Variants in COBL observed in about 807,000 individuals in gnomAD.
The protein encoded by COBL is protein cordon-bleu.
In COBL, 51 loss-of-function variants were observed where a neutral mutation model predicts 98.8. That is an observed-to-expected ratio of 0.52 (90% CI 0.41 to 0.65). The LOEUF (loss-of-function observed/expected upper bound fraction) is 0.65, where lower values mean the gene tolerates loss of function less well. Among genes scored for constraint, COBL ranks in the 30% least tolerant of loss-of-function variants. The probability of loss-of-function intolerance (pLI) is 0.00; values close to 1 mark genes in which losing one functional copy is unlikely to be tolerated. For missense variants in COBL, 1,617 were observed against 1,617.5 expected (o/e 1.00, Z 0.01); for synonymous variants, 634 against 651.7 (o/e 0.97, Z 0.41).
At chr7:51,263,869 A>G (rs936562589) in intron 1 of COBL, among the ~76,000 whole-genome samples, 4 of 152,236 alleles carry the variant, frequency 2.6e-5, no homozygotes, top group African/African-American at 9.6e-5. Flanking sequence ...CATAAGGACT[A>G]TGATCCCCAT....
chr7:51,252,905 G>A (rs183221199), intron 1 of COBL, among the ~76,000 whole-genome samples: 1 of 152,276 alleles, frequency 6.6e-6, no homozygotes, highest in East Asian at 1.9e-4. Flanking sequence ...CCCAGGTCAA[G>A]GTTGCAAAAT....
intron 6 of COBL, among the ~76,000 whole-genome samples, chr7:51,103,023 CACA>C (rs1453627089): frequency 6.6e-6 from 1 of 152,168 alleles, no homozygotes; most frequent in African/African-American, 2.4e-5. Context: ...TTGTGCATTT[CACA>C]CTTTGTTCAG....
At chr7:51,305,536 A>G (rs1003306881) in intron 1 of COBL, among the ~76,000 whole-genome samples, 1 of 147,278 alleles carries the variant, frequency 6.8e-6, no homozygotes, top group Non-Finnish European at 1.5e-5. Context: ...AATCAGTTCT[A>G]ACAGAAGGAG....
intron 1 of COBL, among the ~76,000 whole-genome samples, 174 bp from the exon 2 acceptor site, chr7:51,220,118 G>C (rs1584220351): frequency 1.3e-5 from 2 of 152,258 alleles, no homozygotes; most frequent in Non-Finnish European, 2.9e-5. Context: ...AAACAAAATA[G>C]AGAAAGGGTT....
rs551768231 is a variant in COBL at position 51,098,224 on chromosome 7, C to CTTTTTTTTTTTTTT, written c.958-12921_958-12920insAAAAAAAAAAAAAA. 8.1e-3 allele frequency among the ~76,000 whole-genome samples: 818 copies of CTTTTTTTTTTTTTT among 100,638 alleles called. 137 individuals are homozygous for CTTTTTTTTTTTTTT. Among genetic ancestry groups the CTTTTTTTTTTTTTT allele is most frequent in the African/African-American group, 0.034 (748 of 22,180 alleles). The allele number at this position is 100,638 out of a possible 152,430, so 66.0% of individuals were successfully genotyped here. ...ACTACCAAAATCCCAATAGCAGTTT[C>CTTTTTTTTTTTTTT]TTTTTTTTTTTTGGAGAAATAGGAA... On this transcript the variant is annotated intron_variant, in intron 6 of 12. Transcript: ENST00000265136.
intron 1 of COBL, among the ~76,000 whole-genome samples, chr7:51,282,200 T>C (rs1265427913): frequency 1.3e-5 from 2 of 152,090 alleles, no homozygotes; most frequent in South Asian, 2.1e-4. Flanking sequence ...GTAGAGATGA[T>C]AGGCCATTAT....
chr7:51,282,682 C>T lies in COBL; in HGVS notation c.41+33911G>A, dbSNP rs886681261. Among the ~76,000 whole-genome samples the T allele has an allele frequency of 7.2e-5, 11 of 152,200 alleles. No homozygotes were observed. The East Asian group carries it at 2.1e-3, about 29-fold the overall frequency. On this transcript the variant is annotated intron_variant, in intron 1 of 12. Coordinates refer to ENST00000265136, the MANE Select transcript of COBL (RefSeq NM_015198.5). ...AGGAATATAGAAGAACTCACAAATA[C>T]AATCAACCAACTTGATTTAATTGAC...
intron 5 of COBL, among the ~76,000 whole-genome samples, chr7:51,151,795 A>G (rs1785587414): frequency 6.6e-6 from 1 of 152,214 alleles, no homozygotes; most frequent in East Asian, 1.9e-4. Context: ...GCTTTGAATC[A>G]TTTCTTCAAG....
chr7:51,099,681 C>T (rs1795642039), intron 6 of COBL, among the ~76,000 whole-genome samples: 1 of 152,068 alleles, frequency 6.6e-6, no homozygotes, highest in Admixed American at 6.6e-5. Context: ...CTATATTAAA[C>T]ATGACACTTA....
chr7:51,087,429 C>T (rs1299470257), intron 6 of COBL, among the ~76,000 whole-genome samples: 1 of 152,062 alleles, frequency 6.6e-6, no homozygotes, highest in Non-Finnish European at 1.5e-5. Context: ...TGGAAATTCC[C>T]ATTCCCTCTA....
At chr7:51,240,750 C>T (rs1368632069) in intron 1 of COBL, among the ~76,000 whole-genome samples, 1 of 152,076 alleles carries the variant, frequency 6.6e-6, no homozygotes, top group Admixed American at 6.6e-5. Context: ...AGCATGTTGG[C>T]CAGGCTGGTC....
At chr7:51,173,945 C>G (rs1294657756) in intron 5 of COBL, among the ~76,000 whole-genome samples, 1 of 152,076 alleles carries the variant, frequency 6.6e-6, no homozygotes, top group African/African-American at 2.4e-5. Flanking sequence ...ACACACATAC[C>G]TATAATTTTT....
chr7:51,029,439 C>A lies in COBL; in HGVS notation c.1657G>T (p.Asp553Tyr), dbSNP rs779004976. Residue 553 changes from aspartate to tyrosine, a missense_variant, in exon 10 of 13, where the codon GAT (aspartate) becomes TAT (tyrosine). Asp to Tyr is a radical substitution (Grantham distance 160, BLOSUM62 -3). Around this residue, in one of 3 missense-constraint regions of COBL, gnomAD observed 1,304 missense variants for 1,282.0 expected, o/e 1.02. Transcript: ENST00000265136. ...FIGEVSDDPV[D>Y]SGLFSNRNNN... is the part of the protein sequence containing the mutation. The stretch of plus-strand genomic sequence containing the variant: ...TTTCTATTGGAAAACAACCCCGAAT[C>A]CACAGGATCATCTGAAACTTCCCCT... The A allele has an allele frequency of 5.6e-6, 9 of 1,614,026 alleles. No homozygotes were observed. Among genetic ancestry groups the A allele is most frequent in the Non-Finnish European group, 7.6e-6 (9 of 1,180,034 alleles).
rs765347097 is a variant in COBL, at chr7:51,043,564, C to G, written c.1225G>C (p.Val409Leu). ...ACGATGTCTGAGGGGGAACTCATCA[C>G]TCCTGAGTCCTCGGTCGTGTCCTCC... ...ASEDTTEDSG[V>L]MSSPSDIVSL... is the part of the protein sequence containing the mutation. The change falls in exon 8 of 13, where the codon GTG (valine) becomes CTG (leucine). Residue 409 changes from valine (V) to leucine (L), a missense_variant. Transcript: ENST00000265136. 1 of 1,614,226 alleles carries G rather than the reference C, an allele frequency of 6.2e-7. No individual in the cohort carries two copies. Among genetic ancestry groups the G allele is most frequent in the Non-Finnish European group, 8.5e-7 (1 of 1,180,032 alleles).
At chr7:51,202,372 A>G (rs1402681191) in intron 2 of COBL, among the ~76,000 whole-genome samples, 2 of 152,198 alleles carry the variant, frequency 1.3e-5, no homozygotes, top group Admixed American at 6.5e-5. Flanking sequence ...TTATAACAAT[A>G]TGGTTACAAT....
At chr7:51,213,751 G>C in intron 2 of COBL, among the ~76,000 whole-genome samples, 1 of 151,990 alleles carries the variant, frequency 6.6e-6, no homozygotes, top group East Asian at 1.9e-4. Context: ...CACATCGCCG[G>C]AAACAGAACC....
At chr7:51,269,158 G>GC (rs1335752947) in intron 1 of COBL, among the ~76,000 whole-genome samples, 3 of 152,050 alleles carry the variant, frequency 2.0e-5, no homozygotes, top group Non-Finnish European at 4.4e-5. Flanking sequence ...CCAAATTGCA[G>GC]CCCCCCACCA....
rs563423164 is a variant in COBL at position 51,017,713 on chromosome 7, G to A, written c.3769-145C>T. ...CCCAGTTCCTTTGACCTGCAGAAAG[G>A]AGGCTGTGATCAGGGCTGTCCTCAC... On this transcript the variant is annotated intron_variant, in intron 12 of 12. Coordinates refer to ENST00000265136, the MANE Select transcript of COBL (RefSeq NM_015198.5). The A allele has an allele frequency of 7.2e-5, 61 of 849,982 alleles. No homozygotes were observed. The African/African-American group carries it at 8.9e-4, about 12-fold the overall frequency. The allele number at this position is 849,982 out of a possible 1,614,324, so 52.7% of individuals were successfully genotyped here.
intron 1 of COBL, among the ~76,000 whole-genome samples, chr7:51,245,144 T>A (rs1200262235): frequency 6.6e-6 from 1 of 151,596 alleles, no homozygotes; most frequent in Admixed American, 6.6e-5. Context: ...ACCTGATCAG[T>A]TGCCTCTTCC....
Sources: allele counts gnomAD v4.1 joint callset (sites outside exome capture counted in the v4.1 genomes callset), GRCh38; gene constraint gnomAD v4.1.1; regional missense constraint gnomAD v4.1.1; transcripts MANE v1.5; gene names NCBI Gene and HGNC (gene_info 2026-07-23, HGNC 2026-07-21).